Variants in ITGB3 observed in about 807,000 individuals in gnomAD.
The protein encoded by ITGB3 is integrin beta-3.
In ITGB3, 48 loss-of-function variants were observed where a neutral mutation model predicts 85.8. The ratio of observed to expected loss-of-function variants is 0.56; its 90% CI spans 0.44 to 0.71. ITGB3 has a LOEUF of 0.71. Among genes scored for constraint, ITGB3 ranks in the 30% least tolerant of loss-of-function variants. ITGB3 has a pLI of 0.00. For missense variants in ITGB3, 861 were observed against 1,019.1 expected (o/e 0.84, Z 2.11); for synonymous variants, 363 against 395.6 (o/e 0.92, Z 0.98).
intron 1 of ITGB3, among the ~76,000 whole-genome samples, chr17:47,263,165 C>T (rs1343989754): frequency 6.6e-6 from 1 of 152,122 alleles, no homozygotes; most frequent in Admixed American, 6.5e-5. Flanking sequence ...CTTTTTCTGC[C>T]ATATCCATCT....
intron 13 of ITGB3, chr17:47,303,615 G>C (rs1445621441): frequency 6.6e-6 from 1 of 152,370 alleles, no homozygotes; most frequent in Non-Finnish European, 1.5e-5. Flanking sequence ...CAGGATGTAG[G>C]GATAGGTTTG....
At chr17:47,263,742 G>A (rs540171798) in intron 1 of ITGB3, among the ~76,000 whole-genome samples, 1 of 152,226 alleles carries the variant, frequency 6.6e-6, no homozygotes, top group East Asian at 1.9e-4. Context: ...TACCCGCCTT[G>A]GCCTCCCACA....
rs1303940913 is a variant in ITGB3 at position 47,312,502 on chromosome 17, C to T, written c.*2298C>T. On this transcript the variant is annotated 3_prime_UTR_variant, in exon 15 of 15. Coordinates refer to ENST00000559488, the MANE Select transcript of ITGB3 (RefSeq NM_000212.3). Reference sequence around the variant, plus strand: ...TGCCTGTAATTATAACCTTCAGCTACTAAGACAGGTGTGGTGGCTCACGCC... The same window carrying T: ...TGCCTGTAATTATAACCTTCAGCTATTAAGACAGGTGTGGTGGCTCACGCC... Among the ~76,000 whole-genome samples the T allele has an allele frequency of 6.6e-6, 1 of 152,182 alleles. No individual in the cohort carries two copies. Among genetic ancestry groups the T allele is most frequent in the East Asian group, 1.9e-4 (1 of 5,196 alleles).
chr17:47,279,244 C>T (rs923225493), intron 2 of ITGB3, among the ~76,000 whole-genome samples: 2 of 152,220 alleles, frequency 1.3e-5, no homozygotes, highest in African/African-American at 2.4e-5. Flanking sequence ...TGGGTCTTGG[C>T]TATTTTTGCC....
chr17:47,282,166 A>G (rs2065086129), intron 2 of ITGB3, among the ~76,000 whole-genome samples: 2 of 152,012 alleles, frequency 1.3e-5, no homozygotes, highest in East Asian at 1.9e-4. Flanking sequence ...CCAGGCTGGT[A>G]TCGAACTCCT....
intron 1 of ITGB3, among the ~76,000 whole-genome samples, chr17:47,264,830 A>C (rs2065020116): frequency 6.6e-6 from 1 of 152,188 alleles, no homozygotes; most frequent in South Asian, 2.1e-4. Flanking sequence ...TTCTGATCAC[A>C]TGCTCTAAAG....
rs755999489 is a variant in ITGB3 at position 47,292,389 on chromosome 17, A to G, written c.1511A>G (p.Tyr504Cys). The change falls in exon 10 of 15, where the codon TAT (tyrosine) becomes TGT (cysteine). Residue 504 changes from tyrosine (Y) to cysteine (C), a missense_variant. Transcript: ENST00000559488. ...CAGTGTGAGTGCTCAGAGGAGGACT[A>G]TCGCCCTTCCCAGCAGGACGAATGC... ...GSQCECSEED[Y>C]RPSQQDECSP... 20 of 1,613,704 alleles carry G rather than the reference A, an allele frequency of 1.2e-5. No individual in the cohort carries two copies. In the Admixed American group the frequency reaches 1.5e-4, roughly 12 times the overall value.
chr17:47,270,923 A>G (rs2065042130), intron 1 of ITGB3, among the ~76,000 whole-genome samples: 1 of 152,206 alleles, frequency 6.6e-6, no homozygotes, highest in Non-Finnish European at 1.5e-5. Flanking sequence ...TTTATATTGG[A>G]ATTCTATGCA....
In ITGB3 at chr17:47,302,727, C is replaced by T. The variant is rs769568909; in HGVS notation, c.2021C>T (p.Thr674Ile). 6.2e-7 allele frequency: 1 copy of T among 1,614,136 alleles called. No homozygotes were observed. The highest frequency in any genetic ancestry group is 1.1e-5 in the South Asian group (1 of 91,084). ...EIESVKELKDTGKDAVNCTYK... is the reference protein window; with the variant it reads ...EIESVKELKDIGKDAVNCTYK... ...CCATTTTCCCTACTCCCAGAGGACA[C>T]TGGCAAGGATGCAGTGAATTGTACC... The change falls in exon 13 of 15, where the codon ACT (threonine) becomes ATT (isoleucine). Residue 674 changes from threonine to isoleucine, a missense_variant. By Grantham distance (89) the Thr-to-Ile change is moderately conservative. Coordinates refer to ENST00000559488, the MANE Select transcript of ITGB3 (RefSeq NM_000212.3).
chr17:47,253,979 C>A, intron 1 of ITGB3, 39 bp downstream of exon 1: 1 of 1,271,480 alleles, frequency 7.9e-7, no homozygotes, highest in Non-Finnish European at 1.0e-6. Context: ...GCAGCTGCCC[C>A]AGGATCTGCG....
chr17:47,276,475 A>G (rs1235404950), intron 2 of ITGB3, among the ~76,000 whole-genome samples: 1 of 152,212 alleles, frequency 6.6e-6, no homozygotes, highest in East Asian at 1.9e-4. Flanking sequence ...ACATAGGACC[A>G]GCCTAGGAAT....
intron 10 of ITGB3, among the ~76,000 whole-genome samples, chr17:47,297,292 G>A (rs2065149274): frequency 6.6e-6 from 1 of 152,140 alleles, no homozygotes; most frequent in Non-Finnish European, 1.5e-5. Context: ...ATGGCCTTGG[G>A]AAAGTTACTT....
chr17:47,277,875 A>G (rs570531279), intron 2 of ITGB3, among the ~76,000 whole-genome samples: 1 of 152,240 alleles, frequency 6.6e-6, no homozygotes, highest in Non-Finnish European at 1.5e-5. Context: ...GGAGCAAGAT[A>G]TAGGCCATGA....
chr17:47,285,253 C>T (rs2065098448), intron 4 of ITGB3, among the ~76,000 whole-genome samples: 1 of 152,154 alleles, frequency 6.6e-6, no homozygotes, highest in South Asian at 2.1e-4. Context: ...TGTGCAAATC[C>T]ATGTATTAGA....
At chr17:47,308,364 C>T (rs1282114073) in intron 14 of ITGB3, among the ~76,000 whole-genome samples, 2 of 151,964 alleles carry the variant, frequency 1.3e-5, no homozygotes, top group Non-Finnish European at 2.9e-5. Context: ...ATTTGACTCC[C>T]CAAATGTCCA....
At chr17:47,272,346 G>A (rs968349538) in intron 1 of ITGB3, among the ~76,000 whole-genome samples, 3 of 151,804 alleles carry the variant, frequency 2.0e-5, no homozygotes, top group Admixed American at 1.3e-4. Context: ...GAGCCACTGC[G>A]CTTGGCCATT....
At position 47,286,447 on chromosome 17, in the gene ITGB3, C is replaced by T. The variant is rs13306484; in HGVS notation, c.777+25C>T. On this transcript the variant is annotated intron_variant, in intron 5 of 14. Transcript: ENST00000559488. ...TGTGAGTTTGGAGGACTTGGAGTGC[C>T]AGGTGTGGCTGGCATAGATCAAAAT... 1.8e-4 allele frequency: 291 copies of T among 1,613,718 alleles called. 1 individual carries two copies. The East Asian group carries it at 6.4e-3, about 35-fold the overall frequency.
At chr17:47,300,346 C>CGCGTGTGTGTGTGT (rs377375532) in intron 11 of ITGB3, 132 bp from the exon 12 acceptor site, 13 of 619,830 alleles carry the variant, frequency 2.1e-5, no homozygotes, top group African/African-American at 2.0e-4. Flanking sequence ...CGCGCGCGCG[C>CGCGTGTGTGTGTGT]GTGTGTGTGT....
At chr17:47,280,227 TC>T (rs2065078931) in intron 2 of ITGB3, among the ~76,000 whole-genome samples, 1 of 152,184 alleles carries the variant, frequency 6.6e-6, no homozygotes, top group Non-Finnish European at 1.5e-5. Context: ...GCCAGGGTAG[TC>T]CTCATGCTGT....
Sources: gnomAD v4.1 joint callset for allele counts (sites outside exome capture counted in the v4.1 genomes callset) on GRCh38, gnomAD v4.1.1 for gene constraint, MANE v1.5 for transcripts, NCBI Gene and HGNC (gene_info 2026-07-23, HGNC 2026-07-21) for gene names.